USP12: variants seen among roughly 807,000 people sequenced by gnomAD.
USP12 encodes ubiquitin carboxyl-terminal hydrolase 12.
USP12 carries 19 observed loss-of-function variants against 45.5 expected under a neutral mutation model. The ratio of observed to expected loss-of-function variants is 0.42; its 90% CI spans 0.29 to 0.61. The LOEUF is 0.61. Ranked by LOEUF, USP12 falls within the 20% of genes least tolerant of loss-of-function variation. USP12 has a pLI of 0.22. For missense variants in USP12, 242 were observed against 447.7 expected (o/e 0.54, Z 4.15); for synonymous variants, 149 against 148.8 (o/e 1.00, Z -0.01).
chr13:27,075,993 G>A (rs959095669), intron 6 of USP12, among the ~76,000 whole-genome samples: 1 of 139,180 alleles, frequency 7.2e-6, no homozygotes, highest in African/African-American at 2.7e-5. Flanking sequence ...TCACGCCACT[G>A]CACTCCAGCC....
chr13:27,149,327 GAA>G (rs1453127056), intron 1 of USP12, among the ~76,000 whole-genome samples: 2 of 152,118 alleles, frequency 1.3e-5, no homozygotes, highest in Non-Finnish European at 1.5e-5. Context: ...CTAAGATTAG[GAA>G]AAAGACAAGA....
intron 1 of USP12, among the ~76,000 whole-genome samples, chr13:27,161,131 A>T (rs1214241839): frequency 6.6e-6 from 1 of 152,218 alleles, no homozygotes; most frequent in Non-Finnish European, 1.5e-5. Flanking sequence ...CCCCCAAGGT[A>T]CCACCTTAAC....
At chr13:27,117,312 T>G (rs1278705594) in intron 1 of USP12, among the ~76,000 whole-genome samples, 1 of 152,186 alleles carries the variant, frequency 6.6e-6, no homozygotes, top group Admixed American at 6.5e-5. Flanking sequence ...CTCTCAGAGC[T>G]GAAGTTCTGT....
At chr13:27,142,295 A>G (rs995886281) in intron 1 of USP12, among the ~76,000 whole-genome samples, 10 of 152,238 alleles carry the variant, frequency 6.6e-5, no homozygotes, top group African/African-American at 2.4e-4. Context: ...TGTACTTCTC[A>G]AAAATGTCCA....
chr13:27,069,703 T>G (rs1466883152), intron 8 of USP12, among the ~76,000 whole-genome samples: 1 of 152,212 alleles, frequency 6.6e-6, no homozygotes, highest in Admixed American at 6.5e-5. Flanking sequence ...ATCCCAGTAC[T>G]GTGGGAGGCC....
chr13:27,066,600 T>C lies in USP12; in HGVS notation c.*2683A>G, dbSNP rs1416206924. ...CAAGCCTCCTGGTTCCTGTCTTAAA[T>C]AATCTTTTAAAGGTAAAATTTCCAA... On this transcript the variant is annotated 3_prime_UTR_variant, in exon 9 of 9. Transcript: ENST00000282344. 1 of 152,184 alleles carries C rather than the reference T, an allele frequency of 6.6e-6. No individual in the cohort carries two copies. The highest frequency in any genetic ancestry group is 1.5e-5 in the Non-Finnish European group (1 of 68,024). The allele number at this position is 152,184 out of a possible 1,614,324, so 9.4% of individuals were successfully genotyped here.
chr13:27,158,907 A>G (rs1877970054), intron 1 of USP12, among the ~76,000 whole-genome samples: 3 of 152,228 alleles, frequency 2.0e-5, no homozygotes, highest in Admixed American at 2.0e-4. Flanking sequence ...TAGGTGAAAA[A>G]GCAAATAAAC....
At chr13:27,159,659 A>AT (rs1186478257) in intron 1 of USP12, among the ~76,000 whole-genome samples, 2 of 152,262 alleles carry the variant, frequency 1.3e-5, no homozygotes, top group African/African-American at 4.8e-5. Flanking sequence ...CTACACCTTT[A>AT]TTTTTTATCA....
chr13:27,086,125 G>A lies in USP12; in HGVS notation c.734+3758C>T, dbSNP rs1298373314. Among the ~76,000 whole-genome samples, 4 of 143,514 alleles carry A rather than the reference G, an allele frequency of 2.8e-5. No individual in the cohort carries two copies. The Admixed American group carries it at 2.9e-4, about 10-fold the overall frequency. The allele number at this position is 143,514 out of a possible 152,430, so 94.2% of individuals were successfully genotyped here. A position where few individuals can be genotyped will look rare whatever the true frequency, so the allele number is the denominator to read the frequency against. ...TCTGAGGCTACAGTGAGCTAAGATC[G>A]CACCACTGGACTCCAGCCTGGGTGA... On this transcript the variant is annotated intron_variant, in intron 6 of 8. Coordinates refer to ENST00000282344, the MANE Select transcript of USP12 (RefSeq NM_182488.4).
intron 1 of USP12, among the ~76,000 whole-genome samples, chr13:27,157,056 TCA>T (rs1325229364): frequency 3.9e-5 from 6 of 152,240 alleles, no homozygotes; most frequent in African/African-American, 1.4e-4. Flanking sequence ...CTCATAGATT[TCA>T]CAGTTTTTGT....
chr13:27,102,087 A>G (rs1874892729), intron 3 of USP12, among the ~76,000 whole-genome samples: 1 of 152,202 alleles, frequency 6.6e-6, no homozygotes. Context: ...AGAAAAGTAG[A>G]TCTGCCCCCA....
At chr13:27,094,743 CA>C (rs372387717) in intron 4 of USP12, among the ~76,000 whole-genome samples, 49 of 140,632 alleles carry the variant, frequency 3.5e-4, no homozygotes, top group Non-Finnish European at 2.7e-4. Context: ...GGCATATTCT[CA>C]AAAAAAAAAA....
intron 2 of USP12, among the ~76,000 whole-genome samples, chr13:27,109,056 A>G (rs1875293408): frequency 6.6e-6 from 1 of 152,210 alleles, no homozygotes; most frequent in South Asian, 2.1e-4. Flanking sequence ...AAGGAAAAAC[A>G]TTCAAGATTC....
intron 6 of USP12, among the ~76,000 whole-genome samples, chr13:27,089,207 A>G (rs929335046): frequency 6.6e-6 from 1 of 152,220 alleles, no homozygotes; most frequent in African/African-American, 2.4e-5. Flanking sequence ...TGATACCAAA[A>G]TAAGGTTTGC....
chr13:27,100,175 C>A (rs932421455), intron 3 of USP12, among the ~76,000 whole-genome samples: 1 of 152,198 alleles, frequency 6.6e-6, no homozygotes, highest in Non-Finnish European at 1.5e-5. Context: ...GCTAAGCTAA[C>A]TGAAGCAAAT....
intron 1 of USP12, among the ~76,000 whole-genome samples, chr13:27,159,232 A>G (rs1877990171): frequency 6.6e-6 from 1 of 152,216 alleles, no homozygotes; most frequent in Non-Finnish European, 1.5e-5. Context: ...AAACCTGAAT[A>G]ATTTAATTCT....
intron 8 of USP12, among the ~76,000 whole-genome samples, chr13:27,069,891 G>A (rs1391722814): frequency 6.6e-6 from 1 of 152,126 alleles, no homozygotes; most frequent in Non-Finnish European, 1.5e-5. Flanking sequence ...AGGTGGTGGT[G>A]AGCCGAGATC....
At chr13:27,111,213 T>C (rs1486832334) in intron 2 of USP12, among the ~76,000 whole-genome samples, 1 of 152,240 alleles carries the variant, frequency 6.6e-6, no homozygotes, top group Non-Finnish European at 1.5e-5. Flanking sequence ...CAGAATAAGC[T>C]GACTTTCAAT....
intron 3 of USP12, among the ~76,000 whole-genome samples, chr13:27,100,606 G>C (rs919790453): frequency 6.6e-6 from 1 of 152,156 alleles, no homozygotes; most frequent in East Asian, 1.9e-4. Flanking sequence ...TTCCTGACGT[G>C]CATGCACCTC....
Sources: gnomAD v4.1 joint callset for allele counts (sites outside exome capture counted in the v4.1 genomes callset) on GRCh38, gnomAD v4.1.1 for gene constraint, MANE v1.5 for transcripts, NCBI Gene and HGNC (gene_info 2026-07-23, HGNC 2026-07-21) for gene names.